The following TMEM178B variants were observed in gnomAD, a reference collection of about 807,000 sequenced individuals.
TMEM178B encodes the protein transmembrane protein 178B.
Under a neutral mutation model 31.0 loss-of-function variants are expected in TMEM178B, and 5 were observed. The observed-to-expected ratio is 0.16, with a 90% CI of 0.08 to 0.34. The LOEUF (loss-of-function observed/expected upper bound fraction) is 0.34. Ranked by LOEUF, TMEM178B falls within the 10% of genes least tolerant of loss-of-function variation. TMEM178B has a pLI of 1.00. For missense variants in TMEM178B, 275 were observed against 400.3 expected (o/e 0.69, Z 2.67); for synonymous variants, 164 against 164.0 (o/e 1.00, Z 0.00).
chr7:141,177,231 A>C (rs1206509770), intron 1 of TMEM178B, among the ~76,000 whole-genome samples: 2 of 152,180 alleles, frequency 1.3e-5, no homozygotes, highest in Non-Finnish European at 2.9e-5. Context: ...CAGGTTGTTC[A>C]GTTTCCATAT....
At position 141,104,408 on chromosome 7, in the gene TMEM178B, AG is replaced by A. The variant is rs542933169; in HGVS notation, c.382+29718del. Reference sequence around the variant, plus strand: ...GTGCAAGAATATATTAGAAGATGTGAGGAGGGAACTACTGCAGGGCAAAGCC... The same window carrying A: ...GTGCAAGAATATATTAGAAGATGTGAGAGGGAACTACTGCAGGGCAAAGCC... On this transcript the variant is annotated intron_variant, in intron 1 of 3. Coordinates refer to ENST00000565468, the MANE Select transcript of TMEM178B (RefSeq NM_001195278.2). Among the ~76,000 whole-genome samples, 15 of 152,304 alleles carry A rather than the reference AG, an allele frequency of 9.8e-5. 1 individual carries two copies. The highest frequency in any genetic ancestry group is 3.6e-4 in the African/African-American group (15 of 41,566).
intron 1 of TMEM178B, among the ~76,000 whole-genome samples, chr7:141,183,164 G>C (rs1347986116): frequency 3.3e-5 from 5 of 152,150 alleles, no homozygotes; most frequent in African/African-American, 1.2e-4. Flanking sequence ...TGAGTCAGAG[G>C]ACCTCAGAGT....
chr7:141,238,427 C>T (rs746986581), intron 2 of TMEM178B, among the ~76,000 whole-genome samples: 4 of 152,112 alleles, frequency 2.6e-5, no homozygotes, highest in Non-Finnish European at 4.4e-5. Flanking sequence ...GCTTAGCGTG[C>T]GATAGAGAGC....
chr7:141,196,241 TC>T (rs1796781468), intron 1 of TMEM178B, among the ~76,000 whole-genome samples: 1 of 152,226 alleles, frequency 6.6e-6, no homozygotes, highest in Non-Finnish European at 1.5e-5. Flanking sequence ...TCCACTTTTT[TC>T]TGGTTTTTAC....
At chr7:141,241,143 GTT>G (rs11285590) in intron 2 of TMEM178B, among the ~76,000 whole-genome samples, 18 of 149,376 alleles carry the variant, frequency 1.2e-4, no homozygotes, top group Middle Eastern at 6.9e-3. Context: ...CTAATGTGTA[GTT>G]TTTTTTTTTA....
chr7:141,125,704 G>GA (rs970617904), intron 1 of TMEM178B, among the ~76,000 whole-genome samples: 10 of 146,272 alleles, frequency 6.8e-5, no homozygotes, highest in African/African-American at 2.3e-4. Flanking sequence ...AAAAGAAAAA[G>GA]AAAAAGAAAA....
At chr7:141,160,776 G>A (rs903491079) in intron 1 of TMEM178B, among the ~76,000 whole-genome samples, 2 of 152,172 alleles carry the variant, frequency 1.3e-5, no homozygotes, top group Admixed American at 6.5e-5. Context: ...GGAACTGGTC[G>A]GATGTGGGAT....
At chr7:141,078,902 G>C (rs990903727) in intron 1 of TMEM178B, among the ~76,000 whole-genome samples, 8 of 152,160 alleles carry the variant, frequency 5.3e-5, no homozygotes, top group Non-Finnish European at 7.3e-5. Context: ...GACCAAGTCA[G>C]GGAGCTCGTA....
intron 1 of TMEM178B, among the ~76,000 whole-genome samples, chr7:141,111,933 T>G (rs574292574): frequency 6.6e-6 from 1 of 152,338 alleles, no homozygotes; most frequent in South Asian, 2.1e-4. Flanking sequence ...GTGTATTAAT[T>G]TACAGTAGTT....
chr7:141,473,241 A>G lies in TMEM178B; in HGVS notation c.*2455A>G, dbSNP rs955995008. The G allele has an allele frequency of 2.6e-5, 4 of 152,202 alleles. No individual in the cohort carries two copies. In the East Asian group the frequency reaches 5.8e-4, roughly 22 times the overall value. 9.4% of individuals were successfully genotyped at this position (152,202 alleles called of 1,614,324 possible). A position where few individuals can be genotyped will look rare whatever the true frequency, so the allele number is the denominator to read the frequency against. ...GGCTTAAGGAAAAGTGAAGAAAAGT[A>G]TCTCAGATTGAGAGGCCTTTTGTCT... On this transcript the variant is annotated 3_prime_UTR_variant, in exon 4 of 4. Transcript: ENST00000565468.
At chr7:141,410,190 T>C (rs1800956839) in intron 2 of TMEM178B, among the ~76,000 whole-genome samples, 1 of 152,352 alleles carries the variant, frequency 6.6e-6, no homozygotes, top group African/African-American at 2.4e-5. Flanking sequence ...TGACTTGGCA[T>C]GCCTTCATGG....
chr7:141,491,505 C>T, the TMEM178B span, among the ~76,000 whole-genome samples: 8 of 152,160 alleles, frequency 5.3e-5, no homozygotes, highest in African/African-American at 1.9e-4. Context: ...GGAAAACACT[C>T]CCTATGTTCA....
chr7:141,436,674 T>G (rs1355605444), intron 2 of TMEM178B, among the ~76,000 whole-genome samples: 2 of 151,986 alleles, frequency 1.3e-5, no homozygotes, highest in Non-Finnish European at 2.9e-5. Context: ...GGTAGGGGGC[T>G]TGAGAGCAGC....
At position 141,318,205 on chromosome 7, in the gene TMEM178B, G is replaced by A. The variant is rs1799038552; in HGVS notation, c.496+105501G>A. 6.6e-6 allele frequency among the ~76,000 whole-genome samples: 1 copy of A among 152,148 alleles called. No individual in the cohort carries two copies. The highest frequency in any genetic ancestry group is 1.5e-5 in the Non-Finnish European group (1 of 68,026). On this transcript the variant is annotated intron_variant, in intron 2 of 3. Transcript: ENST00000565468. The surrounding 1 kb of genome is among the most constrained non-coding windows in gnomAD (Gnocchi z 4.1). ...TGTCCATTCAGTAACAGATCATTGA[G>A]CCTACAACATGGCGTTCCCTATGTA...
At chr7:141,196,384 A>G (rs1796783417) in intron 1 of TMEM178B, among the ~76,000 whole-genome samples, 1 of 152,178 alleles carries the variant, frequency 6.6e-6, no homozygotes. Flanking sequence ...CATAGGACAT[A>G]TACATTTCTA....
Position 141,422,783 on chromosome 7 carries a change from A to T in TMEM178B, c.497-14825A>T, listed in dbSNP as rs893970743. Among the ~76,000 whole-genome samples, 5 of 152,142 alleles carry T rather than the reference A, an allele frequency of 3.3e-5. No individual in the cohort carries two copies. Among genetic ancestry groups the T allele is most frequent in the Non-Finnish European group, 7.3e-5 (5 of 68,038 alleles). On this transcript the variant is annotated intron_variant, in intron 2 of 3. Transcript: ENST00000565468. The surrounding 1 kb of genome is among the most constrained non-coding windows in gnomAD (Gnocchi z 4.2). ...AAGCTCCCATGGGGAGAGAATAGAA[A>T]TGCAAGAAACTGTCACTCACCAACC... is the stretch of plus-strand genomic sequence containing the variant.
At chr7:141,441,534 C>T (rs1404595999) in intron 3 of TMEM178B, among the ~76,000 whole-genome samples, 1 of 152,148 alleles carries the variant, frequency 6.6e-6, no homozygotes, top group Non-Finnish European at 1.5e-5. Context: ...CGACAGGAGC[C>T]TGAGGGTTAA....
At chr7:141,161,251 G>C (rs1796167299) in intron 1 of TMEM178B, among the ~76,000 whole-genome samples, 1 of 152,198 alleles carries the variant, frequency 6.6e-6, no homozygotes, top group Non-Finnish European at 1.5e-5. Context: ...TGTCTGACAA[G>C]ATTGGGATGA....
chr7:141,251,819 C>T (rs1272250724), intron 2 of TMEM178B, among the ~76,000 whole-genome samples: 1 of 152,132 alleles, frequency 6.6e-6, no homozygotes, highest in East Asian at 1.9e-4. Flanking sequence ...TCTCTTGGGT[C>T]GTATCCCCAT....
Sources: gnomAD v4.1 joint callset for allele counts (sites outside exome capture counted in the v4.1 genomes callset) on GRCh38, gnomAD v4.1.1 for gene constraint, Gnocchi (gnomAD v3.1) non-coding constraint, MANE v1.5 for transcripts, NCBI Gene and HGNC (gene_info 2026-07-23, HGNC 2026-07-21) for gene names.